ACACA: variants seen among roughly 807,000 people sequenced by gnomAD.
The protein encoded by ACACA is acetyl-CoA carboxylase 1.
Under a neutral mutation model 296.1 loss-of-function variants are expected in ACACA, and 103 were observed. The observed-to-expected ratio is 0.35, with a 90% CI of 0.30 to 0.41. The LOEUF (loss-of-function observed/expected upper bound fraction) is 0.41. ACACA is among the 10% of genes least tolerant of loss of function. The pLI, the probability that ACACA is intolerant of heterozygous loss-of-function variation, is 1.00. For missense variants in ACACA, 1,554 were observed against 2,989.7 expected (o/e 0.52, Z 11.20); for synonymous variants, 953 against 1,038.6 (o/e 0.92, Z 1.58).
At chr17:37,325,531 C>T (rs1233434082) in intron 3 of ACACA, among the ~76,000 whole-genome samples, 1 of 151,438 alleles carries the variant, frequency 6.6e-6, no homozygotes, top group East Asian at 1.9e-4. Context: ...TGTATATTCC[C>T]ACCAAGCTAT....
chr17:37,147,406 G>A (rs537089238), intron 45 of ACACA, among the ~76,000 whole-genome samples: 1 of 152,230 alleles, frequency 6.6e-6, no homozygotes, highest in East Asian at 1.9e-4. Flanking sequence ...AGGGTGACTT[G>A]CACACACCCA....
chr17:37,393,705 G>A (rs754853063), intron 1 of ACACA, among the ~76,000 whole-genome samples: 2 of 151,916 alleles, frequency 1.3e-5, no homozygotes, highest in Admixed American at 1.3e-4. Context: ...AGGCAGGCAT[G>A]CTGGTGCGCA....
intron 25 of ACACA, among the ~76,000 whole-genome samples, chr17:37,230,387 AAAATAAATAAATAAAT>A (rs200006134): frequency 0.011 from 1,590 of 144,388 alleles, 22 homozygotes; most frequent in African/African-American, 0.035. Flanking sequence ...TCCATCTCAA[AAAATAAATAAATAAAT>A]AAATAAATAA....
At chr17:37,401,188 T>C (rs2051274274) in intron 1 of ACACA, among the ~76,000 whole-genome samples, 1 of 151,186 alleles carries the variant, frequency 6.6e-6, no homozygotes, top group Admixed American at 6.7e-5. Context: ...TCTTTTTCTT[T>C]TGTTTTTCTT....
intron 3 of ACACA, among the ~76,000 whole-genome samples, chr17:37,328,430 T>TTAAAA (rs756505912): frequency 2.6e-5 from 4 of 152,152 alleles, no homozygotes; most frequent in South Asian, 2.1e-4. Flanking sequence ...AATTAATTTT[T>TTAAAA]TAAAATAAAA....
intron 1 of ACACA, among the ~76,000 whole-genome samples, chr17:37,369,728 G>A (rs2049733781): frequency 6.6e-6 from 1 of 151,832 alleles, no homozygotes; most frequent in Non-Finnish European, 1.5e-5. Context: ...TTTTTGAGAT[G>A]GAGTCTTGCT....
At chr17:37,202,175 C>T (rs1314871960) in intron 33 of ACACA, among the ~76,000 whole-genome samples, 1 of 152,202 alleles carries the variant, frequency 6.6e-6, no homozygotes, top group African/African-American at 2.4e-5. Flanking sequence ...AAAGATTCCA[C>T]TACAGTCAAG....
At chr17:37,114,144 C>T (rs899691456) in intron 50 of ACACA, among the ~76,000 whole-genome samples, 1 of 151,830 alleles carries the variant, frequency 6.6e-6, no homozygotes, top group South Asian at 2.1e-4. Context: ...GATCTTGCCA[C>T]TGCACTCTAG....
At chr17:37,270,957 A>G in intron 9 of ACACA, 96 bp from the exon 10 acceptor site, 1 of 837,782 alleles carries the variant, frequency 1.2e-6, no homozygotes, top group Non-Finnish European at 2.0e-6. Context: ...GCAGTCATTT[A>G]GTAATTCTAA....
In ACACA at chr17:37,098,058, A is replaced by C. The variant is rs2073098988; in HGVS notation, c.6566-74T>G. On this transcript the variant is annotated intron_variant, in intron 52 of 55. Transcript: ENST00000616317. ...TCTCTGCACAAAAGCAGCCACAATC[A>C]CGGGAAGCTCAACATCAGCCTGCCC... 1.9e-6 allele frequency: 3 copies of C among 1,592,184 alleles called. No individual in the cohort carries two copies. The East Asian group carries it at 6.7e-5, about 36-fold the overall frequency.
At chr17:37,209,009 T>C (rs1319722104) in intron 30 of ACACA, among the ~76,000 whole-genome samples, 2 of 152,218 alleles carry the variant, frequency 1.3e-5, no homozygotes, top group Non-Finnish European at 2.9e-5. Flanking sequence ...ATGGAATTCT[T>C]TGTAGGATGG....
intron 50 of ACACA, among the ~76,000 whole-genome samples, chr17:37,120,784 G>T (rs2074491198): frequency 6.6e-6 from 1 of 152,224 alleles, no homozygotes. Flanking sequence ...TCCGTAAATG[G>T]TGATACTGGC....
At chr17:37,145,276 G>A (rs2075764970) in intron 45 of ACACA, among the ~76,000 whole-genome samples, 1 of 152,176 alleles carries the variant, frequency 6.6e-6, no homozygotes, top group Non-Finnish European at 1.5e-5. Context: ...CCTTAAGGGT[G>A]CATCTTAACA....
At chr17:37,108,339 C>T (rs2073801391) in intron 52 of ACACA, among the ~76,000 whole-genome samples, 1 of 151,852 alleles carries the variant, frequency 6.6e-6, no homozygotes, top group African/African-American at 2.4e-5. Flanking sequence ...ATGAAGTTAG[C>T]TGCTCAGAAG....
At chr17:37,389,579 C>T (rs760473391) in intron 1 of ACACA, among the ~76,000 whole-genome samples, 3 of 151,750 alleles carry the variant, frequency 2.0e-5, no homozygotes, top group Non-Finnish European at 4.4e-5. Context: ...CCCAGCTACT[C>T]GGAAGGCTGA....
At chr17:37,323,611 A>G (rs1411778507) in intron 3 of ACACA, among the ~76,000 whole-genome samples, 1 of 152,198 alleles carries the variant, frequency 6.6e-6, no homozygotes, top group Non-Finnish European at 1.5e-5. Flanking sequence ...AAAAACCCAT[A>G]CATTTAGCAT....
chr17:37,125,243 A>C (rs762909093), intron 48 of ACACA, among the ~76,000 whole-genome samples: 1 of 151,416 alleles, frequency 6.6e-6, no homozygotes, highest in African/African-American at 2.4e-5. Context: ...GGCAATTCAC[A>C]TCTGATTATA....
chr17:37,242,250 T>C (rs548216997), intron 22 of ACACA, among the ~76,000 whole-genome samples, 197 bp from the exon 23 acceptor site: 87 of 152,240 alleles, frequency 5.7e-4, no homozygotes, highest in African/African-American at 2.0e-3. Flanking sequence ...ATTTCATCCC[T>C]TGTCACCCTT....
At position 37,125,612 on chromosome 17, in the gene ACACA, T is replaced by C. The variant is rs189449696; in HGVS notation, c.6041+86A>G. 63 of 1,138,552 alleles carry C rather than the reference T, an allele frequency of 5.5e-5. No homozygotes were observed. The African/African-American group carries it at 6.9e-4, about 13-fold the overall frequency. The allele number at this position is 1,138,552 out of a possible 1,614,324, so 70.5% of individuals were successfully genotyped here. ...GACAGTTCAGACAAAGAGAACATTA[T>C]TGGTATATATCTATAGAGCCATGGC... On this transcript the variant is annotated intron_variant, in intron 48 of 55. Coordinates refer to ENST00000616317, the MANE Select transcript of ACACA (RefSeq NM_198834.3).
Sources: gnomAD v4.1 joint callset for allele counts (sites outside exome capture counted in the v4.1 genomes callset) on GRCh38, gnomAD v4.1.1 for gene constraint, MANE v1.5 for transcripts, NCBI Gene and HGNC (gene_info 2026-07-23, HGNC 2026-07-21) for gene names.